LCA5: variants seen among roughly 807,000 people sequenced by gnomAD.
LCA5 encodes the protein lebercilin LCA5.
In LCA5, 37 loss-of-function variants were observed where a neutral mutation model predicts 53.0. The observed-to-expected ratio is 0.70, with a 90% CI of 0.54 to 0.92. LCA5 has a LOEUF of 0.92. LCA5 is among the 40% of genes least tolerant of loss of function. The pLI is 0.00. For synonymous variants in LCA5, 303 were observed against 282.9 expected (o/e 1.07, Z -0.71); for missense variants, 806 against 790.5 (o/e 1.02, Z -0.23).
At chr6:79,516,878 T>C (rs1206627754) in intron 2 of LCA5, among the ~76,000 whole-genome samples, 4 of 151,890 alleles carry the variant, frequency 2.6e-5, no homozygotes, top group African/African-American at 9.7e-5. Flanking sequence ...GTTAATATTA[T>C]TGAAAAAACA....
At chr6:79,497,560 T>A (rs1383013694) in intron 3 of LCA5, among the ~76,000 whole-genome samples, 3 of 152,100 alleles carry the variant, frequency 2.0e-5, no homozygotes, top group African/African-American at 7.2e-5. Context: ...AATGTGAATG[T>A]CATAAATAAA....
intron 1 of LCA5, among the ~76,000 whole-genome samples, chr6:79,536,465 T>C (rs111484885): frequency 2.6e-4 from 39 of 152,246 alleles, no homozygotes; most frequent in African/African-American, 9.4e-4. Flanking sequence ...TCAGATGAAC[T>C]GGACCAGGGC....
intron 3 of LCA5, among the ~76,000 whole-genome samples, chr6:79,507,133 T>C (rs1416750972): frequency 6.6e-6 from 1 of 152,168 alleles, no homozygotes; most frequent in Non-Finnish European, 1.5e-5. Context: ...TTCATACTTA[T>C]CAATCACAAC....
chr6:79,508,004 AATAT>A (rs1207931890), intron 3 of LCA5, among the ~76,000 whole-genome samples: 2 of 152,162 alleles, frequency 1.3e-5, no homozygotes, highest in African/African-American at 2.4e-5. Context: ...CATGTGACAA[AATAT>A]TAAATTGAGG....
intron 1 of LCA5, among the ~76,000 whole-genome samples, chr6:79,535,362 G>A (rs1029929047): frequency 6.6e-6 from 1 of 152,180 alleles, no homozygotes; most frequent in African/African-American, 2.4e-5. Context: ...GGGCAGGAAA[G>A]CTGGAGGAAG....
chr6:79,529,880 C>T (rs980220634), intron 1 of LCA5, among the ~76,000 whole-genome samples: 3 of 147,272 alleles, frequency 2.0e-5, no homozygotes, highest in African/African-American at 7.6e-5. Flanking sequence ...ACCGCATGTT[C>T]TCACTTATAG....
chr6:79,490,540 A>T (rs1769808813), intron 6 of LCA5, among the ~76,000 whole-genome samples: 1 of 152,176 alleles, frequency 6.6e-6, no homozygotes, highest in Non-Finnish European at 1.5e-5. Context: ...TAGTCCTTTT[A>T]AAGTTAACAA....
chr6:79,513,438 T>C lies in LCA5; in HGVS notation c.494A>G (p.Asn165Ser). ...NEISQLIFRHNNEITALKERL... is the reference protein window; with the variant it reads ...NEISQLIFRHSNEITALKERL... ...TTCTTTGAGTGCTGTAATCTCATTG[T>C]TATGACGAAATATAAGTTGTGAGAT... is the stretch of plus-strand genomic sequence containing the variant. The change falls in exon 3 of 8, where the codon AAC becomes AGC. Residue 165 changes from asparagine (N) to serine (S), a missense_variant. By Grantham distance (46) the Asn-to-Ser change is conservative. Coordinates refer to ENST00000369846, the MANE Select transcript of LCA5 (RefSeq NM_001122769.3). 1 of 1,613,986 alleles carries C rather than the reference T, an allele frequency of 6.2e-7. No homozygotes were observed. Among genetic ancestry groups the C allele is most frequent in the Non-Finnish European group, 8.5e-7 (1 of 1,179,912 alleles).
intron 1 of LCA5, among the ~76,000 whole-genome samples, chr6:79,531,878 C>A (rs2803197): frequency 0.15 from 22,414 of 152,114 alleles, 1,941 homozygotes; most frequent in African/African-American, 0.23. Flanking sequence ...ATACACAGGG[C>A]AGCACATGTT....
intron 1 of LCA5, among the ~76,000 whole-genome samples, chr6:79,530,382 A>T (rs1180645655): frequency 6.6e-6 from 1 of 152,060 alleles, no homozygotes; most frequent in Non-Finnish European, 1.5e-5. Flanking sequence ...ATGAGGGAGG[A>T]GATTAGGAAA....
intron 4 of LCA5, 114 bp from the exon 5 acceptor site, chr6:79,492,761 C>A: frequency 1.6e-6 from 1 of 644,524 alleles, no homozygotes; most frequent in South Asian, 1.8e-5. Flanking sequence ...CCTGGTTCAG[C>A]TTCCTTTTGT....
At chr6:79,521,496 C>T (rs1766623742) in intron 1 of LCA5, among the ~76,000 whole-genome samples, 1 of 152,132 alleles carries the variant, frequency 6.6e-6, no homozygotes, top group African/African-American at 2.4e-5. Flanking sequence ...TACACATGTA[C>T]TGTGAAATAA....
intron 1 of LCA5, among the ~76,000 whole-genome samples, chr6:79,531,024 T>C (rs181428130): frequency 2.0e-5 from 3 of 152,262 alleles, no homozygotes; most frequent in Admixed American, 2.0e-4. Context: ...AATCAAGTCT[T>C]TCCTTTGCAA....
At chr6:79,502,552 C>T (rs1770168978) in intron 3 of LCA5, among the ~76,000 whole-genome samples, 1 of 152,144 alleles carries the variant, frequency 6.6e-6, no homozygotes, top group African/African-American at 2.4e-5. Flanking sequence ...GAAGTGATTT[C>T]TGCTCAGCAA....
At chr6:79,516,722 A>T (rs1338628179) in intron 2 of LCA5, among the ~76,000 whole-genome samples, 3 of 151,966 alleles carry the variant, frequency 2.0e-5, no homozygotes, top group Non-Finnish European at 2.9e-5. Context: ...ATTGTTGTAT[A>T]TATCATTCTT....
intron 1 of LCA5, among the ~76,000 whole-genome samples, chr6:79,525,738 T>C (rs1210873236): frequency 5.3e-5 from 8 of 152,214 alleles, no homozygotes; most frequent in Non-Finnish European, 8.8e-5. Context: ...GAGGACCCAG[T>C]AGGGCAAGGC....
At chr6:79,535,462 G>GT (rs1767086166) in intron 1 of LCA5, among the ~76,000 whole-genome samples, 1 of 152,144 alleles carries the variant, frequency 6.6e-6, no homozygotes, top group Non-Finnish European at 1.5e-5. Flanking sequence ...TTCCAGAAAT[G>GT]TTTTTCAAGT....
At chr6:79,506,033 C>T (rs948983502) in intron 3 of LCA5, among the ~76,000 whole-genome samples, 2 of 152,062 alleles carry the variant, frequency 1.3e-5, no homozygotes, top group African/African-American at 4.8e-5. Context: ...TACACCTACT[C>T]GAGGGCAGCT....
intron 3 of LCA5, among the ~76,000 whole-genome samples, chr6:79,500,309 C>T (rs1770102473): frequency 6.6e-6 from 1 of 152,058 alleles, no homozygotes; most frequent in African/African-American, 2.4e-5. Flanking sequence ...AAGGACATAT[C>T]ACAGAATTCT....
Sources: gnomAD v4.1 joint callset for allele counts (sites outside exome capture counted in the v4.1 genomes callset) on GRCh38, gnomAD v4.1.1 for gene constraint, MANE v1.5 for transcripts, NCBI Gene and HGNC (gene_info 2026-07-23, HGNC 2026-07-21) for gene names.